Variants in PAMR1 observed in about 807,000 individuals in gnomAD.
The protein encoded by PAMR1 is inactive serine protease PAMR1.
Under a neutral mutation model 81.8 loss-of-function variants are expected in PAMR1, and 88 were observed. The observed-to-expected ratio is 1.08, with a 90% CI of 0.91 to 1.28. The LOEUF (loss-of-function observed/expected upper bound fraction) is 1.28. Ranked by LOEUF, PAMR1 falls within the 50% of genes most tolerant of loss-of-function variation. The pLI is 0.00. For synonymous variants in PAMR1, 336 were observed against 345.3 expected, an observed-to-expected ratio of 0.97 and a Z score of 0.30; for missense variants, 935 against 919.7, an observed-to-expected ratio of 1.02 and a Z score of -0.21.
In PAMR1 at chr11:35,441,575, G is replaced by C; in HGVS notation, c.939C>G (p.Phe313Leu). The C allele has an allele frequency of 6.2e-7, 1 of 1,613,992 alleles. No individual in the cohort carries two copies. The change falls in exon 7 of 11, where the codon TTC (phenylalanine) becomes TTG (leucine). Residue 313 changes from phenylalanine to leucine, a missense_variant. Phe to Leu is a conservative substitution (Grantham distance 22, BLOSUM62 0). Coordinates refer to ENST00000619888, the MANE Select transcript of PAMR1 (RefSeq NM_001001991.3). ...TAAGAACATAGGAGTTGTTACAAAA[G>C]AAAGACACCACGGTGCCAATTTTAG... ...RHAKIGTVVS[F>L]FCNNSYVLSG...
chr11:35,520,537 TCA>T (rs1851252189), intron 1 of PAMR1, among the ~76,000 whole-genome samples: 1 of 152,220 alleles, frequency 6.6e-6, no homozygotes, highest in Admixed American at 6.5e-5. Context: ...TCTGGTGCTT[TCA>T]GTTTTCCAGC....
chr11:35,485,863 T>C (rs1850490985), intron 3 of PAMR1, among the ~76,000 whole-genome samples: 1 of 152,186 alleles, frequency 6.6e-6, no homozygotes, highest in South Asian at 2.1e-4. Flanking sequence ...TAACGTTGTC[T>C]GAAAGGATCG....
intron 3 of PAMR1, among the ~76,000 whole-genome samples, chr11:35,491,502 A>T (rs1850625536): frequency 6.6e-6 from 1 of 152,216 alleles, no homozygotes; most frequent in South Asian, 2.1e-4. Context: ...GGACTGAACG[A>T]GAGATTAGAT....
At chr11:35,508,989 A>G (rs1037294443) in intron 1 of PAMR1, among the ~76,000 whole-genome samples, 1 of 152,200 alleles carries the variant, frequency 6.6e-6, no homozygotes, top group Non-Finnish European at 1.5e-5. Context: ...TGCTATTATG[A>G]ATAGTGCCCT....
intron 6 of PAMR1, among the ~76,000 whole-genome samples, chr11:35,443,266 A>C (rs1254348549): frequency 1.3e-5 from 2 of 151,862 alleles, no homozygotes; most frequent in East Asian, 1.9e-4. Context: ...TACATAGGTA[A>C]ACGTGTGCCA....
chr11:35,455,515 T>C (rs1045544513), intron 6 of PAMR1, among the ~76,000 whole-genome samples: 1 of 152,206 alleles, frequency 6.6e-6, no homozygotes, highest in Middle Eastern at 3.2e-3. Flanking sequence ...AATTTTAATA[T>C]GATACACCAG....
intron 1 of PAMR1, among the ~76,000 whole-genome samples, chr11:35,521,674 CTT>C (rs1443454207): frequency 6.6e-6 from 1 of 152,188 alleles, no homozygotes. Flanking sequence ...CAAGGGCTCT[CTT>C]TCCCCTGCTT....
At chr11:35,502,102 T>C (rs1850857531) in intron 1 of PAMR1, among the ~76,000 whole-genome samples, 1 of 152,194 alleles carries the variant, frequency 6.6e-6, no homozygotes, top group Admixed American at 6.5e-5. Context: ...GTCTTTTTGA[T>C]AAAAGCCGTT....
At chr11:35,507,035 C>A (rs1417677314) in intron 1 of PAMR1, among the ~76,000 whole-genome samples, 1 of 118,008 alleles carries the variant, frequency 8.5e-6, no homozygotes, top group African/African-American at 3.6e-5. Context: ...TTCAAATAGC[C>A]TGACTTTTTT....
chr11:35,434,947 T>C, intron 9 of PAMR1, 143 bp from the exon 10 acceptor site: 1 of 753,728 alleles, frequency 1.3e-6, no homozygotes, highest in East Asian at 2.7e-5. Flanking sequence ...CCAGTTTTCT[T>C]CTGCATTTAA....
intron 1 of PAMR1, among the ~76,000 whole-genome samples, chr11:35,502,132 A>G (rs1017221581): frequency 1.6e-4 from 25 of 152,238 alleles, no homozygotes; most frequent in African/African-American, 5.5e-4. Context: ...TTGAGATGAT[A>G]TCTCATGGCG....
chr11:35,442,300 A>G (rs1480861862), intron 6 of PAMR1, among the ~76,000 whole-genome samples: 1 of 152,242 alleles, frequency 6.6e-6, no homozygotes, highest in African/African-American at 2.4e-5. Context: ...ATAACTTTCC[A>G]TCTAAGTATT....
chr11:35,524,513 G>C (rs1851348354), intron 1 of PAMR1, among the ~76,000 whole-genome samples: 1 of 152,178 alleles, frequency 6.6e-6, no homozygotes. Context: ...ACTTGCAGCG[G>C]CAGAGCACCC....
rs148965591 is a variant in PAMR1 at position 35,492,150 on chromosome 11, T to C, written c.274A>G (p.Lys92Glu). ...HPGCTIFENC[K>E]SCRNGSWGGT... Reference sequence around the variant, plus strand: ...CCCCATGAGCCATTTCGGCAGCTCTTGCAGTTTTCAAAGATGGTACAACCT... The same window carrying C: ...CCCCATGAGCCATTTCGGCAGCTCTCGCAGTTTTCAAAGATGGTACAACCT... Residue 92 changes from lysine to glutamate, a missense_variant, in exon 3 of 11, where the codon AAG becomes GAG. Coordinates refer to ENST00000619888, the MANE Select transcript of PAMR1 (RefSeq NM_001001991.3). 3.7e-6 allele frequency: 6 copies of C among 1,614,146 alleles called. No individual in the cohort carries two copies. In the African/African-American group the frequency reaches 8.0e-5, roughly 22 times the overall value.
chr11:35,481,782 A>G (rs745908521), intron 3 of PAMR1, among the ~76,000 whole-genome samples: 6 of 152,184 alleles, frequency 3.9e-5, no homozygotes, highest in Non-Finnish European at 4.4e-5. Flanking sequence ...TCAGCCTCCC[A>G]AAGTGCTGGT....
chr11:35,487,555 C>T (rs771697385), intron 3 of PAMR1, among the ~76,000 whole-genome samples: 1 of 152,222 alleles, frequency 6.6e-6, no homozygotes, highest in Non-Finnish European at 1.5e-5. Context: ...ACTCTGGCTT[C>T]GACTGGGTCC....
chr11:35,488,545 C>T (rs147979543), intron 3 of PAMR1, among the ~76,000 whole-genome samples: 30 of 123,246 alleles, frequency 2.4e-4, no homozygotes, highest in African/African-American at 6.7e-4. Context: ...TGGTATTTTT[C>T]CACAGCTGTT....
intron 10 of PAMR1, among the ~76,000 whole-genome samples, chr11:35,433,764 A>ATGGATGGC (rs1855964684): frequency 6.9e-6 from 1 of 145,628 alleles, no homozygotes; most frequent in Admixed American, 7.5e-5. Flanking sequence ...GGATGGATGG[A>ATGGATGGC]TGGATAGACG....
At chr11:35,460,513 C>T (rs1389545277) in intron 6 of PAMR1, among the ~76,000 whole-genome samples, 3 of 152,084 alleles carry the variant, frequency 2.0e-5, no homozygotes, top group African/African-American at 7.2e-5. Context: ...GTGTGATGTT[C>T]CCCTTCCTGT....
Sources: gnomAD v4.1 joint callset for allele counts (sites outside exome capture counted in the v4.1 genomes callset) on GRCh38, gnomAD v4.1.1 for gene constraint, MANE v1.5 for transcripts, NCBI Gene and HGNC (gene_info 2026-07-23, HGNC 2026-07-21) for gene names.